Variants in POPDC1 observed in about 807,000 individuals in gnomAD.
POPDC1 encodes popeye domain-containing protein 1.
the POPDC1 span, among the ~76,000 whole-genome samples, chr6:105,130,465 T>A: frequency 6.6e-6 from 1 of 152,192 alleles, no homozygotes; most frequent in East Asian, 1.9e-4. Context: ...AATTTATAGT[T>A]TTTTACAATA....
the POPDC1 span, among the ~76,000 whole-genome samples, chr6:105,105,954 A>C: frequency 6.6e-6 from 1 of 152,244 alleles, no homozygotes; most frequent in Non-Finnish European, 1.5e-5. Context: ...TAGAGGGGCA[A>C]ATAATTTCAT....
chr6:105,130,492 C>T, the POPDC1 span, among the ~76,000 whole-genome samples: 6 of 152,222 alleles, frequency 3.9e-5, no homozygotes, highest in African/African-American at 1.4e-4. Flanking sequence ...AATTGTTTTC[C>T]AAAAGGTTTG....
At chr6:105,105,902 T>C in the POPDC1 span, among the ~76,000 whole-genome samples, 2 of 152,230 alleles carry the variant, frequency 1.3e-5, no homozygotes, top group Middle Eastern at 3.2e-3. Context: ...GTAAGGTTCA[T>C]GATCTCTGTA....
the POPDC1 span, among the ~76,000 whole-genome samples, chr6:105,124,845 AAC>A: frequency 1.3e-5 from 2 of 152,200 alleles, no homozygotes; most frequent in African/African-American, 4.8e-5. Context: ...AAAAGAAAAA[AAC>A]AGTGTCCAGT....
At chr6:105,112,485 G>GT in the POPDC1 span, among the ~76,000 whole-genome samples, 137,156 of 152,246 alleles carry the variant, frequency 0.9, 62,231 homozygotes, top group Non-Finnish European at 0.96. Context: ...TTGTAATTCT[G>GT]AAGTAATCTA....
At chr6:105,119,297 C>T in the POPDC1 span, among the ~76,000 whole-genome samples, 2 of 151,952 alleles carry the variant, frequency 1.3e-5, no homozygotes, top group Non-Finnish European at 2.9e-5. Context: ...TCATCAATAC[C>T]ATTTCATAGA....
the POPDC1 span, among the ~76,000 whole-genome samples, chr6:105,105,778 A>T: frequency 1.3e-5 from 2 of 152,222 alleles, no homozygotes; most frequent in Admixed American, 6.5e-5. Flanking sequence ...AAATTTGCCC[A>T]GAGGCCCAAC....
At chr6:105,108,342 G>A in the POPDC1 span, among the ~76,000 whole-genome samples, 3 of 152,124 alleles carry the variant, frequency 2.0e-5, no homozygotes, top group Non-Finnish European at 4.4e-5. Flanking sequence ...AAGTCTCTGG[G>A]AAAAATGGGA....
At chr6:105,112,118 C>T in the POPDC1 span, among the ~76,000 whole-genome samples, 1 of 152,158 alleles carries the variant, frequency 6.6e-6, no homozygotes, top group Non-Finnish European at 1.5e-5. Flanking sequence ...GACTCCCAGA[C>T]CCCCACCCCA....
chr6:105,116,789 G>T, the POPDC1 span: 5 of 1,612,594 alleles, frequency 3.1e-6, no homozygotes, highest in African/African-American at 4.0e-5. Context: ...ATACAAGAAA[G>T]GTTCTGATTC....
At chr6:105,125,314 TC>T in the POPDC1 span, 1 of 1,495,086 alleles carries the variant, frequency 6.7e-7, no homozygotes, top group Non-Finnish European at 9.2e-7. Flanking sequence ...CAACATTTCC[TC>T]CCATTCACTT....
the POPDC1 span, chr6:105,116,694 C>T: frequency 6.4e-7 from 1 of 1,565,130 alleles, no homozygotes; most frequent in Non-Finnish European, 8.6e-7. Flanking sequence ...ACTCAGAGAA[C>T]ACTTACTTTA....
At chr6:105,105,295 G>C in the POPDC1 span, among the ~76,000 whole-genome samples, 2 of 152,164 alleles carry the variant, frequency 1.3e-5, no homozygotes, top group Non-Finnish European at 2.9e-5. Flanking sequence ...GGACTACCTG[G>C]TGCCAGCTGG....
the POPDC1 span, among the ~76,000 whole-genome samples, chr6:105,106,647 A>G: frequency 2.0e-5 from 3 of 152,150 alleles, no homozygotes; most frequent in East Asian, 1.9e-4. Context: ...AGGGGAGCCC[A>G]TTGTTAAGAC....
At chr6:105,120,076 G>A in the POPDC1 span, among the ~76,000 whole-genome samples, 1 of 3,824 alleles carries the variant, frequency 2.6e-4, no homozygotes, top group African/African-American at 4.7e-4. Context: ...CGGCTAAAAC[G>A]GTGAAACCCC....
chr6:105,102,381 CA>C, the POPDC1 span, among the ~76,000 whole-genome samples: 1 of 152,196 alleles, frequency 6.6e-6, no homozygotes, highest in African/African-American at 2.4e-5. Context: ...GAGAATGCCA[CA>C]ACCAGCAAGG....
chr6:105,113,963 A>G, the POPDC1 span, among the ~76,000 whole-genome samples: 1 of 152,006 alleles, frequency 6.6e-6, no homozygotes, highest in Admixed American at 6.5e-5. Flanking sequence ...CACAAAAAAA[A>G]CAAAAACAAA....
the POPDC1 span, chr6:105,129,649 A>G: frequency 1.4e-6 from 1 of 713,668 alleles, no homozygotes; most frequent in Non-Finnish European, 2.2e-6. Context: ...GCCTGAAACC[A>G]TGGATAGTAT....
At chr6:105,125,739 G>T in the POPDC1 span, among the ~76,000 whole-genome samples, 4 of 152,274 alleles carry the variant, frequency 2.6e-5, no homozygotes, top group East Asian at 7.7e-4. Context: ...AAGTGAAATG[G>T]TGATAGAAGT....
Sources: allele counts gnomAD v4.1 joint callset (sites outside exome capture counted in the v4.1 genomes callset), GRCh38; gene constraint gnomAD v4.1.1; transcripts MANE v1.5; gene names NCBI Gene and HGNC (gene_info 2026-07-23, HGNC 2026-07-21).